NOP58: variants seen among roughly 807,000 people sequenced by gnomAD.
NOP58 encodes the protein nucleolar protein 58.
NOP58 carries 44 observed loss-of-function variants against 71.2 expected under a neutral mutation model. The ratio of observed to expected loss-of-function variants is 0.62; its 90% CI spans 0.49 to 0.79. NOP58 has a LOEUF of 0.79. Among genes scored for constraint, NOP58 ranks in the 30% least tolerant of loss-of-function variants. The probability of loss-of-function intolerance (pLI) is 0.00; values close to 1 mark genes in which losing one functional copy is unlikely to be tolerated. For synonymous variants in NOP58, 228 were observed against 200.3 expected, an observed-to-expected ratio of 1.14 and a Z score of -1.17; for missense variants, 538 against 620.2, an observed-to-expected ratio of 0.87 and a Z score of 1.41.
chr2:202,290,110 C>A (rs1246881599), intron 6 of NOP58, among the ~76,000 whole-genome samples: 2 of 152,126 alleles, frequency 1.3e-5, no homozygotes, highest in Non-Finnish European at 1.5e-5. Flanking sequence ...TGTGCACCAC[C>A]ATGCCTGGCT....
chr2:202,291,782 G>A (rs1688902340), intron 8 of NOP58, among the ~76,000 whole-genome samples: 1 of 125,536 alleles, frequency 8.0e-6, no homozygotes, highest in Non-Finnish European at 1.6e-5. Flanking sequence ...ATCCAGCCTG[G>A]GCAACAAGAG....
At position 202,302,938 on chromosome 2, in the gene NOP58, G is replaced by T; in HGVS notation, c.1420G>T (p.Glu474Ter). ...CTATTCAGTTGAAGAAGAGGAAGAA[G>T]AAAAAGTGGCAGAAGAAGAAGAAAC... Reference protein sequence around the residue: ...IKVKVEEEEEEKVAEEEETSV... With the variant: ...IKVKVEEEEE The change falls in exon 14 of 15, where the codon GAA becomes TAA. Residue 474 changes from glutamate (E) to a stop codon, truncating the protein, a stop_gained. Transcript: ENST00000264279. LOFTEE classifies it high-confidence loss of function. 1 of 1,604,992 alleles carries T rather than the reference G, an allele frequency of 6.2e-7. No homozygotes were observed.
In NOP58 at chr2:202,292,895, C is replaced by T; in HGVS notation, c.899C>T (p.Ala300Val). Reference sequence around the variant, plus strand: ...GAATTAGTTGGAGCACGGCTTATTGCTCATGCAGGTGATGGTTTTAATGTA... The same window carrying T: ...GAATTAGTTGGAGCACGGCTTATTGTTCATGCAGGTGATGGTTTTAATGTA... ...VGELVGARLIAHAGSLLNLAK... is the reference protein window; with the variant it reads ...VGELVGARLIVHAGSLLNLAK... The change falls in exon 9 of 15, where the codon GCT becomes GTT. Residue 300 changes from alanine to valine, a missense_variant. Physicochemically the swap from Ala to Val is moderately conservative, Grantham distance 64. Transcript: ENST00000264279. 1.9e-6 allele frequency: 3 copies of T among 1,614,022 alleles called. No homozygotes were observed. Among genetic ancestry groups the T allele is most frequent in the Non-Finnish European group, 1.7e-6 (2 of 1,179,910 alleles).
intron 13 of NOP58, among the ~76,000 whole-genome samples, chr2:202,301,643 GT>G (rs1689095318): frequency 6.6e-6 from 1 of 152,094 alleles, no homozygotes. Flanking sequence ...ATCTAAATTT[GT>G]TCCAGCCATA....
chr2:202,301,505 C>T (rs568509830), intron 13 of NOP58, among the ~76,000 whole-genome samples: 2 of 152,238 alleles, frequency 1.3e-5, no homozygotes, highest in African/African-American at 2.4e-5. Context: ...CTATATGTGA[C>T]AATTCCAGTT....
intron 2 of NOP58, among the ~76,000 whole-genome samples, chr2:202,277,315 A>C (rs550996185): frequency 2.5e-4 from 38 of 151,710 alleles, no homozygotes; most frequent in Non-Finnish European, 4.4e-4. Flanking sequence ...AAAAAAAAAA[A>C]ACAAAAACTA....
intron 5 of NOP58, chr2:202,284,816 C>T (rs996960697): frequency 4.8e-6 from 1 of 209,234 alleles, no homozygotes; most frequent in African/African-American, 2.3e-5. Flanking sequence ...TGCCACTCCT[C>T]CATCTACTTA....
intron 3 of NOP58, among the ~76,000 whole-genome samples, chr2:202,280,721 G>T (rs2105843282): frequency 6.6e-6 from 1 of 151,238 alleles, no homozygotes; most frequent in South Asian, 2.1e-4. Context: ...TATGCTATTT[G>T]CATGAAGTGG....
rs531998005 is a variant in NOP58 at position 202,275,921 on chromosome 2, G to A, written c.122+732G>A. Among the ~76,000 whole-genome samples the A allele has an allele frequency of 1.1e-4, 17 of 152,152 alleles. No individual in the cohort carries two copies. In the East Asian group the frequency reaches 2.5e-3, roughly 22 times the overall value. On this transcript the variant is annotated intron_variant, in intron 2 of 14. Coordinates refer to ENST00000264279, the MANE Select transcript of NOP58 (RefSeq NM_015934.5). ...TGACCTCAGGCGATCCGCCTGCCTC[G>A]GCCTCACAAAGTGCTGGGAGTACAG...
chr2:202,292,183 G>A (rs866618023), intron 8 of NOP58, among the ~76,000 whole-genome samples: 1 of 150,122 alleles, frequency 6.7e-6, no homozygotes, highest in Non-Finnish European at 1.5e-5. Flanking sequence ...TCATAGAGAC[G>A]GGGTTTCACC....
At chr2:202,267,287 C>G (rs1245612681) in intron 1 of NOP58, among the ~76,000 whole-genome samples, 2 of 151,910 alleles carry the variant, frequency 1.3e-5, no homozygotes, top group African/African-American at 4.8e-5. Context: ...ACCAAAAAAC[C>G]ATTTGTGGTG....
intron 3 of NOP58, among the ~76,000 whole-genome samples, chr2:202,280,880 A>G (rs1027266281): frequency 6.7e-6 from 1 of 148,670 alleles, no homozygotes; most frequent in Non-Finnish European, 1.5e-5. Flanking sequence ...TCATGCCACC[A>G]CGCTCACCTA....
At chr2:202,296,218 A>G (rs1334520467) in intron 10 of NOP58, among the ~76,000 whole-genome samples, 4 of 151,032 alleles carry the variant, frequency 2.6e-5, no homozygotes, top group Admixed American at 6.6e-5. Context: ...TTTTTTTGAG[A>G]TGGAGTCCCG....
At chr2:202,299,619 T>C (rs1689056148) in intron 12 of NOP58, among the ~76,000 whole-genome samples, 1 of 151,982 alleles carries the variant, frequency 6.6e-6, no homozygotes, top group South Asian at 2.1e-4. Context: ...TTTTTTAATG[T>C]TCCTGTGCAA....
chr2:202,286,270 T>C (rs7582299), intron 5 of NOP58, among the ~76,000 whole-genome samples: 50,526 of 150,424 alleles, frequency 0.34, 9,951 homozygotes, highest in African/African-American at 0.55. Flanking sequence ...TTTGCGAGGC[T>C]GAGGCAGGTG....
At chr2:202,283,444 ATT>A (rs112839981) in intron 4 of NOP58, among the ~76,000 whole-genome samples, 2 of 134,760 alleles carry the variant, frequency 1.5e-5, no homozygotes, top group Middle Eastern at 3.7e-3. Context: ...CCAACCTGTA[ATT>A]TTTTTTTTTT....
At chr2:202,282,950 C>G (rs1688729449) in intron 4 of NOP58, among the ~76,000 whole-genome samples, 1 of 152,134 alleles carries the variant, frequency 6.6e-6, no homozygotes, top group African/African-American at 2.4e-5. Flanking sequence ...GTGGCTCACA[C>G]CTATAATAAT....
At chr2:202,274,969 A>G in intron 1 of NOP58, 144 bp from the exon 2 acceptor site, 1 of 540,148 alleles carries the variant, frequency 1.9e-6, no homozygotes, top group South Asian at 2.6e-5. Flanking sequence ...AATTACATGC[A>G]GGGTAAGAAA....
intron 1 of NOP58, among the ~76,000 whole-genome samples, chr2:202,272,902 AG>A: frequency 6.6e-6 from 1 of 152,270 alleles, no homozygotes. Context: ...TGGGAGGCCG[AG>A]GTGGGTGCAT....
Sources: allele counts gnomAD v4.1 joint callset (sites outside exome capture counted in the v4.1 genomes callset), GRCh38; gene constraint gnomAD v4.1.1; transcripts MANE v1.5; gene names NCBI Gene and HGNC (gene_info 2026-07-23, HGNC 2026-07-21).